SATB2: variants seen among roughly 807,000 people sequenced by gnomAD.
The protein encoded by SATB2 is SATB homeobox 2.
Under a neutral mutation model 73.4 loss-of-function variants are expected in SATB2, and 1 was observed. That is an observed-to-expected ratio of 0.01 (90% CI 0.00 to 0.06). The LOEUF is 0.06. Among genes scored for constraint, SATB2 ranks in the 10% least tolerant of loss-of-function variants. The pLI, the probability that SATB2 is intolerant of heterozygous loss-of-function variation, is 1.00. For missense variants in SATB2, 459 were observed against 945.8 expected, an observed-to-expected ratio of 0.49 and a Z score of 6.75; for synonymous variants, 397 against 367.0, an observed-to-expected ratio of 1.08 and a Z score of -0.93.
rs1266089235 is a variant in SATB2, at chr2:199,464,890, G to C, written c.-195C>G. 1 of 152,280 alleles carries C rather than the reference G, an allele frequency of 6.6e-6. No homozygotes were observed. Among genetic ancestry groups the C allele is most frequent in the Admixed American group, 6.5e-5 (1 of 15,288 alleles). 9.4% of individuals were successfully genotyped at this position (152,280 alleles called of 1,614,324 possible). A position where few individuals can be genotyped will look rare whatever the true frequency, so the allele number is the denominator to read the frequency against. On this transcript the variant is annotated 5_prime_UTR_variant, in exon 1 of 12. Transcript: ENST00000260926. The surrounding 1 kb of genome is among the most constrained non-coding windows in gnomAD (Gnocchi z 6.6). ...AGTGCCCAGGACGGAGCGAGGGGCT[G>C]TGGGTCGGCGCAGGGACGCTGGCTG...
At chr2:199,420,847 TTTAA>T (rs1465120190) in intron 3 of SATB2, among the ~76,000 whole-genome samples, 2 of 152,254 alleles carry the variant, frequency 1.3e-5, no homozygotes, top group South Asian at 2.1e-4. Context: ...TGTATACTTA[TTTAA>T]TTATGAAACA....
At chr2:199,350,938 G>A (rs1688796817) in intron 6 of SATB2, among the ~76,000 whole-genome samples, 3 of 149,538 alleles carry the variant, frequency 2.0e-5, no homozygotes, top group African/African-American at 4.9e-5. Context: ...CAGGAGAATC[G>A]CTTGAACCCC....
At chr2:199,395,393 A>T (rs1232980107) in intron 3 of SATB2, among the ~76,000 whole-genome samples, 1 of 152,216 alleles carries the variant, frequency 6.6e-6, no homozygotes, top group African/African-American at 2.4e-5. Context: ...AAATTCTGAT[A>T]ACAGTTTCCA....
intron 3 of SATB2, among the ~76,000 whole-genome samples, chr2:199,412,864 T>C (rs1457521130): frequency 6.6e-6 from 1 of 152,174 alleles, no homozygotes; most frequent in Non-Finnish European, 1.5e-5. Flanking sequence ...CCATGGAGAA[T>C]GTAGCTAACT....
intron 10 of SATB2, among the ~76,000 whole-genome samples, chr2:199,275,498 G>GC (rs1433259623): frequency 1.3e-5 from 2 of 151,960 alleles, no homozygotes; most frequent in South Asian, 4.1e-4. Context: ...ATTCAAGATT[G>GC]AACTGGAAAC....
chr2:199,342,703 A>G (rs1688541680), intron 7 of SATB2, among the ~76,000 whole-genome samples: 1 of 152,224 alleles, frequency 6.6e-6, no homozygotes, highest in Non-Finnish European at 1.5e-5. Flanking sequence ...ATGTAAGGAT[A>G]AAAATAAATA....
rs1231891288 is a variant in SATB2, at chr2:199,286,943, T to C, written c.1741-14271A>G. Among the ~76,000 whole-genome samples the C allele has an allele frequency of 2.6e-5, 4 of 152,298 alleles. No individual in the cohort carries two copies. The East Asian group carries it at 7.7e-4, about 29-fold the overall frequency. ...AAAGAAGATACTCTTAAGTTAAACA[T>C]AACCAGGTAACTAAATGAGGAAGAT... is the stretch of plus-strand genomic sequence containing the variant. On this transcript the variant is annotated intron_variant, in intron 10 of 10. Coordinates refer to ENST00000417098, the MANE Select transcript of SATB2 (RefSeq NM_001172509.2).
chr2:199,290,724 G>A (rs372235669), intron 10 of SATB2, among the ~76,000 whole-genome samples: 141 of 152,084 alleles, frequency 9.3e-4, no homozygotes, highest in African/African-American at 3.4e-3. Flanking sequence ...AAATATATAG[G>A]ATATTCCTAT....
At chr2:199,326,355 A>T (rs1181075658) in intron 8 of SATB2, among the ~76,000 whole-genome samples, 1 of 152,150 alleles carries the variant, frequency 6.6e-6, no homozygotes, top group Non-Finnish European at 1.5e-5. Flanking sequence ...GTGATATTAA[A>T]TAAGAGATTT....
intron 10 of SATB2, among the ~76,000 whole-genome samples, chr2:199,304,992 C>G (rs1286566766): frequency 1.3e-5 from 2 of 151,864 alleles, no homozygotes; most frequent in Non-Finnish European, 2.9e-5. Flanking sequence ...CTTAAGCATG[C>G]AAAAAATTTT....
chr2:199,383,997 A>G (rs985766788), intron 3 of SATB2, among the ~76,000 whole-genome samples: 6 of 152,240 alleles, frequency 3.9e-5, no homozygotes, highest in Non-Finnish European at 7.3e-5. Flanking sequence ...AAATTTATCA[A>G]ACTGATCACT....
intron 2 of SATB2, among the ~76,000 whole-genome samples, chr2:199,450,710 T>C (rs887923031): frequency 2.0e-5 from 3 of 152,040 alleles, no homozygotes; most frequent in South Asian, 2.1e-4. Context: ...TATACACATA[T>C]GCTGATTCTA....
chr2:199,451,449 TAAA>T (rs753267178), intron 2 of SATB2, among the ~76,000 whole-genome samples: 1 of 129,824 alleles, frequency 7.7e-6, no homozygotes, highest in African/African-American at 2.8e-5. Context: ...CTTAAAACCT[TAAA>T]AAAAAAAAAA....
Position 199,457,084 on chromosome 2 carries a change from T to C in SATB2, c.-60+255A>G, listed in dbSNP as rs1347257444. On this transcript the variant is annotated intron_variant, in intron 1 of 10. Coordinates refer to ENST00000417098, the MANE Select transcript of SATB2 (RefSeq NM_001172509.2). The surrounding 1 kb of genome is among the most constrained non-coding windows in gnomAD (Gnocchi z 4.8). ...CACCGTACTGCGTGCGCGCTGGGAA[T>C]CCTCGTGGGCGCTCTGGCCGCGCGA... Among the ~76,000 whole-genome samples, 1 of 152,066 alleles carries C rather than the reference T, an allele frequency of 6.6e-6. No homozygotes were observed. The highest frequency in any genetic ancestry group is 2.4e-5 in the African/African-American group (1 of 41,430).
In SATB2 at chr2:199,403,564, T is replaced by C. The variant is rs545818931; in HGVS notation, c.347-21744A>G. ...TTTGTATTTTTTATATTTCCTACAA[T>C]GGGTGTGTTTATTACTTTTAAATCG... On this transcript the variant is annotated intron_variant, in intron 3 of 10. Transcript: ENST00000417098. Among the ~76,000 whole-genome samples, 16 of 152,302 alleles carry C rather than the reference T, an allele frequency of 1.1e-4. No homozygotes were observed. In the South Asian group the frequency reaches 3.3e-3, roughly 32 times the overall value.
intron 9 of SATB2, among the ~76,000 whole-genome samples, 168 bp from the exon 10 acceptor site, chr2:199,309,125 C>CG (rs1687523366): frequency 6.6e-6 from 1 of 152,218 alleles, no homozygotes; most frequent in Admixed American, 6.5e-5. Context: ...CCCCTGACCA[C>CG]ATAGGTGGTT....
chr2:199,436,865 T>A, intron 2 of SATB2, among the ~76,000 whole-genome samples: 1 of 142,134 alleles, frequency 7.0e-6, no homozygotes, highest in Admixed American at 7.0e-5. Flanking sequence ...GAGAGAGAGA[T>A]TTGTCCATCT....
intron 2 of SATB2, among the ~76,000 whole-genome samples, chr2:199,440,554 G>T (rs1164638261): frequency 6.6e-6 from 1 of 152,162 alleles, no homozygotes; most frequent in Non-Finnish European, 1.5e-5. Flanking sequence ...AAAGGAGAGA[G>T]CAGAGCAATC....
At position 199,328,698 on chromosome 2, in the gene SATB2, C is replaced by A. The variant is rs1688100773; in HGVS notation, c.1386G>T (p.Gln462His). 6.2e-7 allele frequency: 1 copy of A among 1,612,120 alleles called. No individual in the cohort carries two copies. Among genetic ancestry groups the A allele is most frequent in the Non-Finnish European group, 8.5e-7 (1 of 1,179,500 alleles). Residue 462 changes from glutamine to histidine, a missense_variant and splice_region_variant, in exon 8 of 11, where the codon CAG becomes CAT. Transcript: ENST00000417098. ...AAAATACGGAAAGCAAGTTTCTCACCTGAGGGGTTCGGGAGGAGCTGGGAC... is the reference window on the plus strand; with the variant it reads ...AAAATACGGAAAGCAAGTTTCTCACATGAGGGGTTCGGGAGGAGCTGGGAC... The part of the protein sequence containing the change: ...SSSPSSSRTP[Q>H]AKTSTPTTDL...
Sources: allele counts gnomAD v4.1 joint callset (sites outside exome capture counted in the v4.1 genomes callset), GRCh38; gene constraint gnomAD v4.1.1; non-coding constraint Gnocchi (gnomAD v3.1); transcripts MANE v1.5; gene names NCBI Gene and HGNC (gene_info 2026-07-23, HGNC 2026-07-21).